PAFAH1B1: variants seen among roughly 807,000 people sequenced by gnomAD.
The protein encoded by PAFAH1B1 is platelet activating factor acetylhydrolase 1b regulatory subunit 1.
In PAFAH1B1, 2 loss-of-function variants were observed where a neutral mutation model predicts 57.5. The observed-to-expected ratio is 0.03, with a 90% CI of 0.01 to 0.11. The LOEUF (loss-of-function observed/expected upper bound fraction) is 0.11. Among genes scored for constraint, PAFAH1B1 ranks in the 10% least tolerant of loss-of-function variants. PAFAH1B1 has a pLI of 1.00. For missense variants in PAFAH1B1, 257 were observed against 512.0 expected, an observed-to-expected ratio of 0.50 and a Z score of 4.81; for synonymous variants, 152 against 169.6, an observed-to-expected ratio of 0.90 and a Z score of 0.81.
At chr17:2,642,500 T>A (rs540337780) in intron 2 of PAFAH1B1, 1 of 152,348 alleles carries the variant, frequency 6.6e-6, no homozygotes, top group African/African-American at 2.4e-5. Flanking sequence ...TAGACTTGGT[T>A]GAGTCTCATA....
At chr17:2,653,829 C>T (rs769638205) in intron 2 of PAFAH1B1, among the ~76,000 whole-genome samples, 2 of 151,908 alleles carry the variant, frequency 1.3e-5, no homozygotes, top group Admixed American at 6.6e-5. Context: ...ATTTTTGAAA[C>T]CGAGTCTTAT....
chr17:2,618,171 C>G (rs933740755), intron 1 of PAFAH1B1, among the ~76,000 whole-genome samples: 1 of 151,824 alleles, frequency 6.6e-6, no homozygotes, highest in African/African-American at 2.4e-5. Context: ...TCGCTTGAAC[C>G]TGGGAGATGC....
chr17:2,637,205 G>T (rs2068635665), intron 1 of PAFAH1B1, among the ~76,000 whole-genome samples: 2 of 152,066 alleles, frequency 1.3e-5, no homozygotes, highest in Admixed American at 1.3e-4. Context: ...TCATTTGGAG[G>T]ATGATTTTTT....
intron 2 of PAFAH1B1, among the ~76,000 whole-genome samples, chr17:2,650,156 G>A (rs1597552594): frequency 6.6e-6 from 1 of 152,282 alleles, no homozygotes; most frequent in South Asian, 2.1e-4. Context: ...AGGCCAAGGA[G>A]TTTGAGATCG....
intron 2 of PAFAH1B1, among the ~76,000 whole-genome samples, chr17:2,652,253 AC>A (rs1379451661): frequency 6.6e-6 from 1 of 151,696 alleles, no homozygotes; most frequent in Non-Finnish European, 1.5e-5. Flanking sequence ...TACTAAAAAT[AC>A]AAAAAAAAAA....
intron 1 of PAFAH1B1, among the ~76,000 whole-genome samples, chr17:2,617,871 T>C (rs960666752): frequency 6.2e-5 from 9 of 146,316 alleles, no homozygotes; most frequent in Non-Finnish European, 9.0e-5. Context: ...AGGGAGGGAG[T>C]GGAGATTGCG....
At chr17:2,674,448 G>GT (rs1276655590) in intron 8 of PAFAH1B1, among the ~76,000 whole-genome samples, 160 bp downstream of exon 8, 1 of 152,156 alleles carries the variant, frequency 6.6e-6, no homozygotes, top group Non-Finnish European at 1.5e-5. Flanking sequence ...TTGCTGATGT[G>GT]TTTACATTAT....
chr17:2,597,959 A>T lies in PAFAH1B1; in HGVS notation c.-191+3953A>T, dbSNP rs1484110032. ...AGAAATTGTCAACATTAAGATGAAG[A>T]TGTCTGGCCAGACATGGTGGCTCAC... On this transcript the variant is annotated intron_variant, in intron 1 of 10. Coordinates refer to ENST00000397195, the MANE Select transcript of PAFAH1B1 (RefSeq NM_000430.4). Among the ~76,000 whole-genome samples, 16 of 152,208 alleles carry T rather than the reference A, an allele frequency of 1.1e-4. 1 individual carries two copies.
At chr17:2,617,221 T>G (rs971792830) in intron 1 of PAFAH1B1, among the ~76,000 whole-genome samples, 7 of 152,246 alleles carry the variant, frequency 4.6e-5, no homozygotes, top group African/African-American at 1.7e-4. Flanking sequence ...ACCAACTATT[T>G]GCAGCACTTG....
intron 5 of PAFAH1B1, 80 bp from the exon 6 acceptor site, chr17:2,670,083 G>T: frequency 2.6e-6 from 3 of 1,153,304 alleles, no homozygotes; most frequent in South Asian, 2.5e-5. Context: ...TAAGGTGCCA[G>T]ACTGGCCTGC....
chr17:2,658,887 C>A (rs888660740), intron 2 of PAFAH1B1, among the ~76,000 whole-genome samples: 1 of 152,114 alleles, frequency 6.6e-6, no homozygotes, highest in African/African-American at 2.4e-5. Context: ...AGTATAAGAC[C>A]TATGGCCAGG....
At chr17:2,611,472 CAAAAA>C (rs113597989) in intron 1 of PAFAH1B1, among the ~76,000 whole-genome samples, 1 of 118,348 alleles carries the variant, frequency 8.4e-6, no homozygotes, top group African/African-American at 3.1e-5. Flanking sequence ...CGTCTCGGGG[CAAAAA>C]AAAAAAATAA....
At position 2,684,686 on chromosome 17, in the gene PAFAH1B1, T is replaced by C. The variant is rs2069445746; in HGVS notation, c.*2884T>C. ...CACGGCATCTTGCACTTTAGGAGAC[T>C]AAGACCGTCCTGGTTCGTCTGTGTG... On this transcript the variant is annotated 3_prime_UTR_variant, in exon 11 of 11. Coordinates refer to ENST00000397195, the MANE Select transcript of PAFAH1B1 (RefSeq NM_000430.4). 6.5e-6 allele frequency: 1 copy of C among 152,694 alleles called. No individual in the cohort carries two copies. Among genetic ancestry groups the C allele is most frequent in the African/African-American group, 2.4e-5 (1 of 41,464 alleles). 9.5% of individuals were successfully genotyped at this position (152,694 alleles called of 1,614,324 possible).
intron 2 of PAFAH1B1, among the ~76,000 whole-genome samples, chr17:2,660,507 G>A (rs2069000600): frequency 6.6e-6 from 1 of 152,158 alleles, no homozygotes; most frequent in South Asian, 2.1e-4. Flanking sequence ...TGCGGTGCTT[G>A]GTTTTCTGTT....
intron 1 of PAFAH1B1, among the ~76,000 whole-genome samples, chr17:2,610,402 C>A (rs1034503456): frequency 6.6e-6 from 1 of 152,200 alleles, no homozygotes; most frequent in African/African-American, 2.4e-5. Context: ...ACAGATTTGA[C>A]TCTGAGCTTT....
rs562470735 is a variant in PAFAH1B1, at chr17:2,684,981, C to G, written c.*3179C>G. 6.6e-6 allele frequency: 1 copy of G among 152,050 alleles called. No homozygotes were observed. The highest frequency in any genetic ancestry group is 1.5e-5 in the Non-Finnish European group (1 of 68,008). 9.4% of individuals were successfully genotyped at this position (152,050 alleles called of 1,614,324 possible). A position where few individuals can be genotyped will look rare whatever the true frequency, so the allele number is the denominator to read the frequency against. ...AAGGTAAAGGATATTTTGTTGACAT[C>G]GGTGGCTCGATCATCCTTAAGCAAC... On this transcript the variant is annotated 3_prime_UTR_variant, in exon 11 of 11. Transcript: ENST00000397195.
At chr17:2,666,141 T>C (rs753058437) in intron 4 of PAFAH1B1, 51 bp downstream of exon 4, 4 of 1,308,414 alleles carry the variant, frequency 3.1e-6, no homozygotes, top group Non-Finnish European at 4.2e-6. Context: ...TATATAAACT[T>C]TCTGAAAATA....
At chr17:2,676,418 A>G in intron 8 of PAFAH1B1, 87 bp from the exon 9 acceptor site, 2 of 854,372 alleles carry the variant, frequency 2.3e-6, no homozygotes, top group East Asian at 5.1e-5. Context: ...AAAATTGGAA[A>G]TATATATCAT....
chr17:2,600,173 T>C (rs1483876826), intron 1 of PAFAH1B1, among the ~76,000 whole-genome samples: 1 of 151,946 alleles, frequency 6.6e-6, no homozygotes, highest in Non-Finnish European at 1.5e-5. Context: ...AAAGAACTCC[T>C]GGCCTCAAGT....
Sources: allele counts gnomAD v4.1 joint callset (sites outside exome capture counted in the v4.1 genomes callset), GRCh38; gene constraint gnomAD v4.1.1; transcripts MANE v1.5; gene names NCBI Gene and HGNC (gene_info 2026-07-23, HGNC 2026-07-21).